CCAR1: variants seen among roughly 807,000 people sequenced by gnomAD.
CCAR1 encodes the protein cell division cycle and apoptosis regulator protein 1.
In CCAR1, 78 loss-of-function variants were observed where a neutral mutation model predicts 163.8. The observed-to-expected ratio is 0.48, with a 90% CI of 0.40 to 0.57. The LOEUF (loss-of-function observed/expected upper bound fraction) is 0.57. Among genes scored for constraint, CCAR1 ranks in the 20% least tolerant of loss-of-function variants. CCAR1 has a pLI of 0.00. For synonymous variants in CCAR1, 443 were observed against 460.7 expected, an observed-to-expected ratio of 0.96 and a Z score of 0.49; for missense variants, 1,019 against 1,365.2, an observed-to-expected ratio of 0.75 and a Z score of 4.00.
chr10:68,763,004 G>C (rs1253710671), intron 16 of CCAR1, among the ~76,000 whole-genome samples: 3 of 152,118 alleles, frequency 2.0e-5, no homozygotes, highest in Non-Finnish European at 2.9e-5. Context: ...ATATGGATGT[G>C]ACATTAGATA....
At chr10:68,773,200 T>C in intron 19 of CCAR1, 101 bp downstream of exon 19, 1 of 641,222 alleles carries the variant, frequency 1.6e-6, no homozygotes, top group Non-Finnish European at 2.6e-6. Flanking sequence ...ATTTTTTTCT[T>C]TAGAATAGAA....
At chr10:68,726,028 G>A (rs924246693) in intron 2 of CCAR1, among the ~76,000 whole-genome samples, 27 of 150,372 alleles carry the variant, frequency 1.8e-4, no homozygotes, top group South Asian at 2.1e-4. Flanking sequence ...CGTGAAGATC[G>A]CTTAAACCTT....
chr10:68,788,606 T>C lies in CCAR1; in HGVS notation c.3187+278T>C, dbSNP rs185811074. On this transcript the variant is annotated intron_variant, in intron 23 of 24. Transcript: ENST00000265872. The stretch of plus-strand genomic sequence containing the variant: ...TCCAAGTGATTCTCCCACCTCAGTC[T>C]CCCAAGTAGCTGGGATTACAGGCAT... 5.9e-5 allele frequency among the ~76,000 whole-genome samples: 9 copies of C among 152,294 alleles called. No homozygotes were observed. The East Asian group carries it at 1.5e-3, about 26-fold the overall frequency.
rs187482454 is a variant in CCAR1, at chr10:68,755,783, G to C, written c.1625+247G>C. Among the ~76,000 whole-genome samples, 85 of 152,336 alleles carry C rather than the reference G, an allele frequency of 5.6e-4. No homozygotes were observed. In the Middle Eastern group the frequency reaches 0.01, roughly 18 times the overall value. On this transcript the variant is annotated intron_variant, in intron 13 of 24. Coordinates refer to ENST00000265872, the MANE Select transcript of CCAR1 (RefSeq NM_018237.4). Reference sequence around the variant, plus strand: ...TTTGTTATGTTGTACTTTGGAAGTTGGATGTATGTTGAAAATACTTTTCAT... The same window carrying C: ...TTTGTTATGTTGTACTTTGGAAGTTCGATGTATGTTGAAAATACTTTTCAT...
rs1426069137 is a variant in CCAR1 at position 68,737,849 on chromosome 10, A to C, written c.251A>C (p.Tyr84Ser). Residue 84 changes from tyrosine to serine, a missense_variant, in exon 4 of 25, where the codon TAT (tyrosine) becomes TCT (serine). Transcript: ENST00000265872. The part of the protein sequence containing the change: ...AAAAAALQQQ[Y>S]SQPQQALYSV... Reference sequence around the variant, plus strand: ...AATTTTTTTTTAATCTTTCAGCAATATTCACAACCTCAGCAGGCCCTGTAT... The same window carrying C: ...AATTTTTTTTTAATCTTTCAGCAATCTTCACAACCTCAGCAGGCCCTGTAT... 1 of 1,588,630 alleles carries C rather than the reference A, an allele frequency of 6.3e-7. No homozygotes were observed. The highest frequency in any genetic ancestry group is 8.5e-7 in the Non-Finnish European group (1 of 1,170,440).
intron 21 of CCAR1, 74 bp downstream of exon 21, chr10:68,786,766 C>G: frequency 7.8e-7 from 1 of 1,287,646 alleles, no homozygotes; most frequent in Non-Finnish European, 1.1e-6. Flanking sequence ...GTTAATAGAA[C>G]CTCTGTTGAC....
chr10:68,740,371 T>A (rs979371686), intron 4 of CCAR1, among the ~76,000 whole-genome samples: 2 of 152,178 alleles, frequency 1.3e-5, no homozygotes, highest in African/African-American at 4.8e-5. Context: ...ACTTTTCACA[T>A]TTTTCTTAAG....
At chr10:68,729,452 G>C (rs2056002065) in intron 2 of CCAR1, among the ~76,000 whole-genome samples, 1 of 151,676 alleles carries the variant, frequency 6.6e-6, no homozygotes, top group Admixed American at 6.6e-5. Context: ...TGTATTTTTA[G>C]TAGAGTCAGG....
chr10:68,762,539 C>G (rs549925667), intron 16 of CCAR1, among the ~76,000 whole-genome samples: 10 of 152,142 alleles, frequency 6.6e-5, no homozygotes, highest in African/African-American at 2.2e-4. Context: ...GATGCATAAG[C>G]CTGTTACTTG....
At chr10:68,772,920 G>A (rs1299091372) in intron 18 of CCAR1, 68 bp from the exon 19 acceptor site, 1 of 782,348 alleles carries the variant, frequency 1.3e-6, no homozygotes, top group African/African-American at 1.8e-5. Flanking sequence ...AGACCAGCGT[G>A]GGCAATATGG....
Position 68,749,455 on chromosome 10 carries a change from A to G in CCAR1, c.957-69A>G, listed in dbSNP as rs1432274331. 2.1e-5 allele frequency: 29 copies of G among 1,388,058 alleles called. No individual in the cohort carries two copies. In the Admixed American group the frequency reaches 4.7e-4, roughly 22 times the overall value. 86.0% of individuals were successfully genotyped at this position (1,388,058 alleles called of 1,614,324 possible). A position where few individuals can be genotyped will look rare whatever the true frequency, so the allele number is the denominator to read the frequency against. On this transcript the variant is annotated intron_variant, in intron 9 of 24. Coordinates refer to ENST00000265872, the MANE Select transcript of CCAR1 (RefSeq NM_018237.4). ...GATTCTTGCTTATATTACCTACTCTATTTACTTCATTGAAGAGCTTTTCCA... is the reference window on the plus strand; with the variant it reads ...GATTCTTGCTTATATTACCTACTCTGTTTACTTCATTGAAGAGCTTTTCCA...
chr10:68,771,095 A>G (rs546587891), intron 17 of CCAR1, 111 bp from the exon 18 acceptor site: 22 of 893,304 alleles, frequency 2.5e-5, no homozygotes, highest in Admixed American at 2.9e-5. Context: ...AAAAAGTTTG[A>G]TAAGTTTACA....
rs144710646 is a variant in CCAR1, at chr10:68,745,325, A to G, written c.519-1836A>G. 3.7e-4 allele frequency among the ~76,000 whole-genome samples: 56 copies of G among 151,260 alleles called. No individual in the cohort carries two copies. In the East Asian group the frequency reaches 0.011, roughly 29 times the overall value. The stretch of plus-strand genomic sequence containing the variant: ...CCGGCCCTTTTTGTTTTATTTTTTG[A>G]GATGGGGTCTCTTTTGCCCAGGCTG... On this transcript the variant is annotated intron_variant, in intron 6 of 24. Coordinates refer to ENST00000265872, the MANE Select transcript of CCAR1 (RefSeq NM_018237.4).
At chr10:68,726,757 G>A in intron 2 of CCAR1, among the ~76,000 whole-genome samples, 1 of 151,812 alleles carries the variant, frequency 6.6e-6, no homozygotes, top group East Asian at 2.0e-4. Flanking sequence ...CAGCACTTTG[G>A]GAGGCCAAGG....
Position 68,785,524 on chromosome 10 carries a change from A to G in CCAR1, c.2651-612A>G, listed in dbSNP as rs553784771. Among the ~76,000 whole-genome samples the G allele has an allele frequency of 1.0e-3, 154 of 152,268 alleles. 1 individual carries two copies. The highest frequency in any genetic ancestry group is 3.6e-3 in the African/African-American group (150 of 41,568). On this transcript the variant is annotated intron_variant, in intron 19 of 24. Transcript: ENST00000265872. ...GGCATGAGCCACTGTACCTGGCTGT[A>G]AACATAATTTATCTACTGGAAAACC... is the stretch of plus-strand genomic sequence containing the variant.
chr10:68,787,213 C>A (rs561391990), intron 21 of CCAR1, among the ~76,000 whole-genome samples: 111 of 152,146 alleles, frequency 7.3e-4, no homozygotes, highest in Non-Finnish European at 1.5e-3. Flanking sequence ...CAGCTCAGTT[C>A]CATTTTTATA....
intron 17 of CCAR1, among the ~76,000 whole-genome samples, chr10:68,769,065 C>T (rs967381476): frequency 6.6e-6 from 1 of 152,120 alleles, no homozygotes; most frequent in Non-Finnish European, 1.5e-5. Flanking sequence ...ACGTCCACGT[C>T]CCAGATTGAA....
At chr10:68,763,572 C>T (rs533074520) in intron 16 of CCAR1, among the ~76,000 whole-genome samples, 4 of 151,886 alleles carry the variant, frequency 2.6e-5, no homozygotes, top group Admixed American at 6.6e-5. Context: ...CTCAGCCTCC[C>T]GAGTAGCTGG....
At position 68,771,717 on chromosome 10, in the gene CCAR1, A is replaced by C. The variant is rs1177079772; in HGVS notation, c.2538+272A>C. On this transcript the variant is annotated intron_variant, in intron 18 of 24. Coordinates refer to ENST00000265872, the MANE Select transcript of CCAR1 (RefSeq NM_018237.4). The stretch of plus-strand genomic sequence containing the variant: ...AGAATTGCTTAAACCTGGGAGGTGG[A>C]GGTTGCAGTGAGCCAAGCTTGCACC... Among the ~76,000 whole-genome samples the C allele has an allele frequency of 3.3e-5, 5 of 152,066 alleles. No homozygotes were observed. In the East Asian group the frequency reaches 9.7e-4, roughly 30 times the overall value.
Sources: gnomAD v4.1 joint callset for allele counts (sites outside exome capture counted in the v4.1 genomes callset) on GRCh38, gnomAD v4.1.1 for gene constraint, MANE v1.5 for transcripts, NCBI Gene and HGNC (gene_info 2026-07-23, HGNC 2026-07-21) for gene names.